Variants in RPL7 observed in about 807,000 individuals in gnomAD.
RPL7 encodes large ribosomal subunit protein uL30.
For synonymous variants in RPL7, 100 were observed against 102.2 expected, an observed-to-expected ratio of 0.98 and a Z score of 0.13; for missense variants, 205 against 301.9, an observed-to-expected ratio of 0.68 and a Z score of 2.38.
chr8:73,293,084 C>CA (rs373762484), intron 1 of RPL7: 42 of 293,120 alleles, frequency 1.4e-4, no homozygotes, highest in Non-Finnish European at 1.7e-4. Flanking sequence ...AAAAAAAAAA[C>CA]AAAAAAAACA....
Position 73,291,656 on chromosome 8 carries a change from G to A in RPL7, c.434C>T (p.Pro145Leu). 1 of 1,591,608 alleles carries A rather than the reference G, an allele frequency of 6.3e-7. No individual in the cohort carries two copies. The highest frequency in any genetic ancestry group is 8.6e-7 in the Non-Finnish European group (1 of 1,161,724). Residue 145 changes from proline (P) to leucine (L), a missense_variant, in exon 5 of 7, where the codon CCC (proline) becomes CTC (leucine). Coordinates refer to ENST00000352983, the MANE Select transcript of RPL7 (RefSeq NM_000971.4). Reference sequence around the variant, plus strand: ...TAGTTCATTTACTGACTTCAGATTGGGGTACCTGAAGTGAAAAAGCAAACA... The same window carrying A: ...TAGTTCATTTACTGACTTCAGATTGAGGTACCTGAAGTGAAAAAGCAAACA... ...IVEPYIAWGY[P>L]NLKSVNELIY... is the part of the protein sequence containing the mutation.
At chr8:73,293,930 A>T (rs569983830), upstream of RPL7, 1 of 338,852 alleles carries the variant, frequency 3.0e-6, no homozygotes, top group Non-Finnish European at 5.7e-6. Context: ...TCCTCCCCAT[A>T]ATGTTCCCAG....
Position 73,291,917 on chromosome 8 carries a change from T to A in RPL7, c.291-7A>T. On this transcript the variant is annotated splice_region_variant and splice_polypyrimidine_tract_variant and intron_variant, in intron 3 of 6. Coordinates refer to ENST00000352983, the MANE Select transcript of RPL7 (RefSeq NM_000971.4). ...TGGGCTCACTCCATTGATACTGTGG[T>A]GAAAACGGACCAGAAATGCATTTGC... 1.2e-6 allele frequency: 2 copies of A among 1,608,490 alleles called. No individual in the cohort carries two copies. Among genetic ancestry groups the A allele is most frequent in the Non-Finnish European group, 1.7e-6 (2 of 1,175,278 alleles).
chr8:73,292,511 C>A lies in RPL7; in HGVS notation c.124-106G>T. The A allele has an allele frequency of 2.5e-6, 3 of 1,192,506 alleles. No homozygotes were observed. The South Asian group carries it at 4.5e-5, about 18-fold the overall frequency. 73.9% of individuals were successfully genotyped at this position (1,192,506 alleles called of 1,614,324 possible). On this transcript the variant is annotated intron_variant, in intron 2 of 6. Transcript: ENST00000352983. Reference sequence around the variant, plus strand: ...CATGTTTCCTTTAAATCTTTTCTTGCCACAGTATGCAATTACATCCCCCAC... The same window carrying A: ...CATGTTTCCTTTAAATCTTTTCTTGACACAGTATGCAATTACATCCCCCAC...
At chr8:73,290,726 C>A in intron 6 of RPL7, 21 bp from the exon 7 acceptor site, 1 of 233,040 alleles carries the variant, frequency 4.3e-6, no homozygotes, top group Non-Finnish European at 8.4e-6. Context: ...AAAAGAAAAC[C>A]ATTAGAAAAC....
chr8:73,292,536 C>A, intron 2 of RPL7, 131 bp from the exon 3 acceptor site: 1 of 1,012,678 alleles, frequency 9.9e-7, no homozygotes, highest in African/African-American at 1.6e-5. Flanking sequence ...ACATCCCCCA[C>A]CAAAAAACCC....
At chr8:73,292,591 G>T in intron 2 of RPL7, 98 bp downstream of exon 2, 1 of 1,076,460 alleles carries the variant, frequency 9.3e-7, no homozygotes. Flanking sequence ...CAATTACTCA[G>T]TACAGTTAGG....
At position 73,292,730 on chromosome 8, in the gene RPL7, G is replaced by A. The variant is rs1563543704; in HGVS notation, c.82C>T (p.Leu28=). ...TTCTTTCTCAGGCGCTTGATCTTCA[G>A]CTCTGCGAAATTCCTTCGCTTTTTC... The part of the protein sequence containing the change: ...LKKKRRNFAE[L]KIKRLRKKFA... Residue 28 remains leucine, a synonymous_variant, in exon 2 of 7, where the codon CTG becomes TTG. Coordinates refer to ENST00000352983, the MANE Select transcript of RPL7 (RefSeq NM_000971.4). 9.3e-6 allele frequency: 15 copies of A among 1,613,686 alleles called. No individual in the cohort carries two copies. The highest frequency in any genetic ancestry group is 1.2e-5 in the Non-Finnish European group (14 of 1,179,942).
intron 3 of RPL7, 135 bp from the exon 4 acceptor site, chr8:73,292,045 T>C (rs971388870): frequency 6.2e-6 from 8 of 1,287,648 alleles, no homozygotes; most frequent in Non-Finnish European, 8.7e-6. Context: ...AATTTCTGTA[T>C]TCTATTAAGA....
At chr8:73,291,002 T>G (rs922082646) in intron 6 of RPL7, 41 bp downstream of exon 6, 2 of 1,462,228 alleles carry the variant, frequency 1.4e-6, no homozygotes, top group Non-Finnish European at 1.9e-6. Flanking sequence ...CCACTTATAC[T>G]CTAACATTAA....
At chr8:73,293,447 C>T in intron 1 of RPL7, 152 bp downstream of exon 1, 1 of 927,114 alleles carries the variant, frequency 1.1e-6, no homozygotes, top group Non-Finnish European at 1.7e-6. Flanking sequence ...CCAACCCTAG[C>T]CTCAGGTCCC....
chr8:73,292,613 G>T, intron 2 of RPL7, 76 bp downstream of exon 2: 1 of 1,182,614 alleles, frequency 8.5e-7, no homozygotes, highest in Non-Finnish European at 1.2e-6. Context: ...AGTAAATCTT[G>T]CCAAGAACAT....
intron 5 of RPL7, 83 bp downstream of exon 5, chr8:73,291,469 C>A: frequency 9.5e-7 from 1 of 1,054,990 alleles, no homozygotes; most frequent in Non-Finnish European, 1.4e-6. Flanking sequence ...TGAAGATTCA[C>A]AATAGTGAGA....
intron 5 of RPL7, 39 bp downstream of exon 5, chr8:73,291,513 C>A: frequency 7.0e-7 from 1 of 1,422,402 alleles, no homozygotes. Context: ...GAAATTATCG[C>A]ATGGTCTAAT....
chr8:73,293,871 C>T (rs1814177726), upstream of RPL7: 4 of 445,012 alleles, frequency 9.0e-6, no homozygotes, highest in Admixed American at 1.1e-4. Context: ...GACACCTTGG[C>T]AACTCCGGGT....
At chr8:73,292,903 T>C (rs986493371) in intron 1 of RPL7, 106 bp from the exon 2 acceptor site, 7 of 751,828 alleles carry the variant, frequency 9.3e-6, no homozygotes, top group East Asian at 5.2e-5. Flanking sequence ...TCACTGACTT[T>C]AGTCACTAGT....
At position 73,291,589 on chromosome 8, in the gene RPL7, A is replaced by C. The variant is rs1403195922; in HGVS notation, c.501T>G (p.Ile167Met). ...CAATCAAAGCGTTATCTGTCAAAGC[A>C]ATTCGCTTCTTATTGATTTTGCCAT... is the stretch of plus-strand genomic sequence containing the variant. ...RGYGKINKKR[I>M]ALTDNALIAR... Residue 167 changes from isoleucine to methionine, a missense_variant, in exon 5 of 7, where the codon ATT becomes ATG. Transcript: ENST00000352983. 1.3e-6 allele frequency: 2 copies of C among 1,597,328 alleles called. No homozygotes were observed. The highest frequency in any genetic ancestry group is 1.7e-6 in the Non-Finnish European group (2 of 1,166,754).
intron 1 of RPL7, chr8:73,293,257 C>T (rs964537188): frequency 5.7e-5 from 16 of 281,230 alleles, no homozygotes; most frequent in Non-Finnish European, 9.4e-5. Context: ...GGCCTGGCGG[C>T]AGGGAGGCCT....
upstream of RPL7, chr8:73,293,846 A>G: frequency 1.9e-6 from 1 of 513,000 alleles, no homozygotes; most frequent in Non-Finnish European, 3.5e-6. Context: ...AATCAATTCA[A>G]GAGCAAAGAG....
Sources: allele counts gnomAD v4.1 joint callset, GRCh38; gene constraint gnomAD v4.1.1; transcripts MANE v1.5; gene names NCBI Gene and HGNC (gene_info 2026-07-23, HGNC 2026-07-21).